The following AP4E1 variants were observed in gnomAD, a reference collection of about 807,000 sequenced individuals.
AP4E1 encodes adaptor related protein complex 4 subunit epsilon 1.
Under a neutral mutation model 128.2 loss-of-function variants are expected in AP4E1, and 56 were observed. The ratio of observed to expected loss-of-function variants is 0.44; its 90% CI spans 0.35 to 0.55. The LOEUF (loss-of-function observed/expected upper bound fraction) is 0.55. Ranked by LOEUF, AP4E1 falls within the 20% of genes least tolerant of loss-of-function variation. The probability of loss-of-function intolerance (pLI) is 0.00; values close to 1 mark genes in which losing one functional copy is unlikely to be tolerated. For missense variants in AP4E1, 1,324 were observed against 1,307.7 expected (o/e 1.01, Z -0.19); for synonymous variants, 484 against 473.1 (o/e 1.02, Z -0.30).
intron 15 of AP4E1, among the ~76,000 whole-genome samples, chr15:50,983,772 A>G (rs1187971281): frequency 6.6e-6 from 1 of 151,952 alleles, no homozygotes; most frequent in Non-Finnish European, 1.5e-5. Flanking sequence ...CTTCCAAGGG[A>G]GGTAAAAAGG....
At chr15:50,960,688 TCAAA>T (rs1056781315) in intron 14 of AP4E1, among the ~76,000 whole-genome samples, 30 of 151,916 alleles carry the variant, frequency 2.0e-4, no homozygotes, top group African/African-American at 7.0e-4. Context: ...TAGAAGGATT[TCAAA>T]CAAACAACCT....
At chr15:50,947,348 G>A (rs1440994254) in intron 10 of AP4E1, among the ~76,000 whole-genome samples, 2 of 151,620 alleles carry the variant, frequency 1.3e-5, no homozygotes, top group Non-Finnish European at 2.9e-5. Flanking sequence ...CCCAGGAGGT[G>A]GAGGTTGCAT....
chr15:50,987,051 C>T (rs2064737233), intron 16 of AP4E1, among the ~76,000 whole-genome samples: 1 of 152,156 alleles, frequency 6.6e-6, no homozygotes, highest in Non-Finnish European at 1.5e-5. Context: ...CTGTATGTGT[C>T]CAGGAATTTA....
intron 10 of AP4E1, among the ~76,000 whole-genome samples, chr15:50,946,159 A>C (rs1051975778): frequency 6.6e-6 from 1 of 152,212 alleles, no homozygotes; most frequent in Non-Finnish European, 1.5e-5. Flanking sequence ...TGCCTAGTTG[A>C]TAAAGACTAT....
At chr15:50,990,914 C>G (rs148714663) in intron 16 of AP4E1, among the ~76,000 whole-genome samples, 1 of 152,058 alleles carries the variant, frequency 6.6e-6, no homozygotes, top group Non-Finnish European at 1.5e-5. Context: ...TTAGGAGTGT[C>G]GTTGGGATCA....
Position 51,003,449 on chromosome 15 carries a change from G to C in AP4E1, c.*787G>C, listed in dbSNP as rs1333238986. 6.6e-6 allele frequency: 1 copy of C among 152,236 alleles called. No homozygotes were observed. Among genetic ancestry groups the C allele is most frequent in the East Asian group, 1.9e-4 (1 of 5,204 alleles). 9.4% of individuals were successfully genotyped at this position (152,236 alleles called of 1,614,324 possible). On this transcript the variant is annotated 3_prime_UTR_variant, in exon 21 of 21. Transcript: ENST00000261842. ...GATACAAAAATGACTTTTTAGTTATGACAAATATTTTAGTTGGTTACTACT... is the reference window on the plus strand; with the variant it reads ...GATACAAAAATGACTTTTTAGTTATCACAAATATTTTAGTTGGTTACTACT...
chr15:50,981,823 C>A (rs1237074086), intron 15 of AP4E1, among the ~76,000 whole-genome samples: 2 of 152,108 alleles, frequency 1.3e-5, no homozygotes, highest in Non-Finnish European at 2.9e-5. Flanking sequence ...CAGTGGCTTA[C>A]ACCTGTAATC....
chr15:50,955,533 C>T (rs1363891957), intron 13 of AP4E1, among the ~76,000 whole-genome samples: 1 of 152,064 alleles, frequency 6.6e-6, no homozygotes, highest in Non-Finnish European at 1.5e-5. Context: ...TGGTCTAGTC[C>T]TATTAATTGT....
chr15:50,991,623 C>T (rs2064807650), intron 16 of AP4E1, among the ~76,000 whole-genome samples: 1 of 152,014 alleles, frequency 6.6e-6, no homozygotes, highest in Non-Finnish European at 1.5e-5. Context: ...AAGGGATACT[C>T]AGCAGTAAAA....
At chr15:50,952,614 A>G in intron 13 of AP4E1, among the ~76,000 whole-genome samples, 1 of 151,984 alleles carries the variant, frequency 6.6e-6, no homozygotes, top group Non-Finnish European at 1.5e-5. Flanking sequence ...TCTTAGGGCT[A>G]TTATTCTCCT....
chr15:50,921,192 G>A (rs967366772), intron 3 of AP4E1, among the ~76,000 whole-genome samples: 6 of 151,850 alleles, frequency 4.0e-5, no homozygotes, highest in African/African-American at 9.7e-5. Context: ...GTCTTGCTAC[G>A]TTAGCCAGGC....
chr15:50,987,552 C>T (rs191698282), intron 16 of AP4E1, among the ~76,000 whole-genome samples: 244 of 152,292 alleles, frequency 1.6e-3, no homozygotes, highest in African/African-American at 5.1e-3. Flanking sequence ...GCCTTCATTT[C>T]GTTATGTACC....
intron 8 of AP4E1, among the ~76,000 whole-genome samples, chr15:50,936,910 A>C (rs985012773): frequency 4.6e-5 from 7 of 152,118 alleles, no homozygotes; most frequent in Non-Finnish European, 1.0e-4. Context: ...ACTGCACTCT[A>C]GCCTTTGCTA....
At chr15:50,964,785 A>G (rs2064364090) in intron 14 of AP4E1, among the ~76,000 whole-genome samples, 1 of 152,044 alleles carries the variant, frequency 6.6e-6, no homozygotes, top group African/African-American at 2.4e-5. Flanking sequence ...TATGGTTTGG[A>G]TCTCCCGCCC....
intron 13 of AP4E1, among the ~76,000 whole-genome samples, chr15:50,952,230 A>C (rs949046324): frequency 1.3e-5 from 2 of 151,854 alleles, no homozygotes; most frequent in Admixed American, 6.6e-5. Flanking sequence ...GTGTAAAGAC[A>C]CTGGGCGCGG....
rs2064978498 is a variant in AP4E1, at chr15:51,002,627, C to T, written c.3379C>T (p.Leu1127=). The T allele has an allele frequency of 2.5e-6, 4 of 1,614,036 alleles. No homozygotes were observed. In the Admixed American group the frequency reaches 6.7e-5, roughly 27 times the overall value. ...SSCSTLPDYL[L]YQCQKVMEGS ...CTGTTCTACTCTTCCTGACTATTTACTGTATCAGTGTCAAAAGGTGATGGA... is the reference window on the plus strand; with the variant it reads ...CTGTTCTACTCTTCCTGACTATTTATTGTATCAGTGTCAAAAGGTGATGGA... Residue 1127 remains leucine (L), a synonymous_variant, in exon 21 of 21, where the codon CTG becomes TTG. Coordinates refer to ENST00000261842, the MANE Select transcript of AP4E1 (RefSeq NM_007347.5).
intron 16 of AP4E1, among the ~76,000 whole-genome samples, chr15:50,987,398 G>T (rs1434395814): frequency 6.6e-6 from 1 of 152,050 alleles, no homozygotes; most frequent in Non-Finnish European, 1.5e-5. Context: ...TGATGTTAGG[G>T]TGTCAATTTT....
intron 14 of AP4E1, among the ~76,000 whole-genome samples, chr15:50,964,104 T>A (rs557125197): frequency 6.6e-6 from 1 of 152,374 alleles, no homozygotes; most frequent in East Asian, 1.9e-4. Flanking sequence ...TTCTGTGCCT[T>A]CACCCATTTT....
intron 1 of AP4E1, among the ~76,000 whole-genome samples, chr15:50,910,067 G>C (rs2063545941): frequency 6.6e-6 from 1 of 152,084 alleles, no homozygotes; most frequent in Non-Finnish European, 1.5e-5. Flanking sequence ...GCTCACTGGA[G>C]CGTCTGCCTC....
Sources: allele counts gnomAD v4.1 joint callset (sites outside exome capture counted in the v4.1 genomes callset), GRCh38; gene constraint gnomAD v4.1.1; transcripts MANE v1.5; gene names NCBI Gene and HGNC (gene_info 2026-07-23, HGNC 2026-07-21).